Variants in MCM8 observed in about 807,000 individuals in gnomAD.
The protein encoded by MCM8 is minichromosome maintenance 8 homologous recombination repair factor, also known as DNA helicase MCM8.
A neutral mutation model predicts 98.9 loss-of-function variants in MCM8; 85 were observed. The observed-to-expected ratio is 0.86, with a 90% CI of 0.72 to 1.03. The LOEUF is 1.03. MCM8 is among the 50% of genes least tolerant of loss of function. The probability of loss-of-function intolerance (pLI) is 0.00; values close to 1 mark genes in which losing one functional copy is unlikely to be tolerated. For synonymous variants in MCM8, 352 were observed against 338.6 expected, an observed-to-expected ratio of 1.04 and a Z score of -0.44; for missense variants, 951 against 997.8, an observed-to-expected ratio of 0.95 and a Z score of 0.63.
chr20:5,952,038 G>A lies in MCM8; in HGVS notation c.23G>A (p.Arg8Lys). MNGEYRG[R>K]GFGRGRFQSW... ...GAGATGAATGGAGAGTATAGAGGCAGAGGATTTGGACGAGGAAGATTTCAA... is the reference window on the plus strand; with the variant it reads ...GAGATGAATGGAGAGTATAGAGGCAAAGGATTTGGACGAGGAAGATTTCAA... The change falls in exon 2 of 19, where the codon AGA becomes AAA. Residue 8 changes from arginine (R) to lysine (K), a missense_variant. Physicochemically the swap from Arg to Lys is conservative, Grantham distance 26. Coordinates refer to ENST00000610722, the MANE Select transcript of MCM8 (RefSeq NM_032485.6). The A allele has an allele frequency of 6.2e-7, 1 of 1,614,024 alleles. No homozygotes were observed. The highest frequency in any genetic ancestry group is 1.3e-5 in the African/African-American group (1 of 75,032).
At chr20:5,967,310 C>T in intron 8 of MCM8, 126 bp from the exon 9 acceptor site, 2 of 693,460 alleles carry the variant, frequency 2.9e-6, no homozygotes, top group African/African-American at 1.8e-5. Context: ...TTAGATATAC[C>T]ATTAAACTGT....
At chr20:5,976,475 T>C (rs2089514001) in intron 12 of MCM8, among the ~76,000 whole-genome samples, 1 of 152,078 alleles carries the variant, frequency 6.6e-6, no homozygotes, top group Non-Finnish European at 1.5e-5. Flanking sequence ...TACCATGGTC[T>C]AAATAGGGAG....
chr20:5,971,926 GT>G, intron 10 of MCM8, 80 bp from the exon 11 acceptor site: 1 of 1,239,868 alleles, frequency 8.1e-7, no homozygotes, highest in Non-Finnish European at 1.2e-6. Flanking sequence ...TATTAAGCAG[GT>G]TAAACAAATT....
intron 3 of MCM8, among the ~76,000 whole-genome samples, chr20:5,953,238 T>C (rs1315614180): frequency 6.6e-6 from 1 of 152,334 alleles, no homozygotes; most frequent in South Asian, 2.1e-4. Flanking sequence ...ATCTGAATTA[T>C]AGCATCGCAG....
intron 17 of MCM8, among the ~76,000 whole-genome samples, chr20:5,992,688 C>T (rs769115190): frequency 6.6e-6 from 1 of 152,028 alleles, no homozygotes; most frequent in Non-Finnish European, 1.5e-5. Flanking sequence ...TGTTTATAAC[C>T]CATTAAAATC....
rs2089059457 is a variant in MCM8, at chr20:5,958,853, T to C, written c.789+127T>C. ...ATTTTTTATTTTCAATTTTCTGCTT[T>C]TATATTATGAAATACTTCAGGGTAA... On this transcript the variant is annotated intron_variant, in intron 7 of 18. Coordinates refer to ENST00000610722, the MANE Select transcript of MCM8 (RefSeq NM_032485.6). 1.7e-5 allele frequency: 15 copies of C among 868,336 alleles called. No homozygotes were observed. In the Middle Eastern group the frequency reaches 1.1e-3, roughly 62 times the overall value. The allele number at this position is 868,336 out of a possible 1,614,324, so 53.8% of individuals were successfully genotyped here.
In MCM8 at chr20:5,993,640, A is replaced by C; in HGVS notation, c.2375A>C (p.Asn792Thr). The change falls in exon 18 of 19, where the codon AAT becomes ACT. Residue 792 changes from asparagine to threonine, a missense_variant. Coordinates refer to ENST00000610722, the MANE Select transcript of MCM8 (RefSeq NM_032485.6). ...ALNNVAERTYNNIFQFHQLRQ... is the reference protein window; with the variant it reads ...ALNNVAERTYTNIFQFHQLRQ... ...AACAACGTTGCTGAAAGAACTTATAATAATATATTTCAATTTCATCAACTT... is the reference window on the plus strand; with the variant it reads ...AACAACGTTGCTGAAAGAACTTATACTAATATATTTCAATTTCATCAACTT... 6 of 1,611,206 alleles carry C rather than the reference A, an allele frequency of 3.7e-6. No individual in the cohort carries two copies. Among genetic ancestry groups the C allele is most frequent in the Non-Finnish European group, 5.1e-6 (6 of 1,178,154 alleles).
intron 18 of MCM8, chr20:5,993,994 C>A: frequency 2.8e-6 from 1 of 351,372 alleles, no homozygotes. Context: ...AATAGCACTT[C>A]AAACATGGGC....
chr20:5,987,176 C>T (rs2089750971), intron 16 of MCM8, 106 bp from the exon 17 acceptor site: 1 of 1,112,280 alleles, frequency 9.0e-7, no homozygotes, highest in Non-Finnish European at 1.3e-6. Context: ...CCTTCCTCGC[C>T]TAAAGGTCAG....
intron 12 of MCM8, among the ~76,000 whole-genome samples, chr20:5,977,458 G>A (rs2089535459): frequency 6.6e-6 from 1 of 152,242 alleles, no homozygotes; most frequent in African/African-American, 2.4e-5. Flanking sequence ...TGTTTGCTCA[G>A]AAGGTGAGCA....
intron 12 of MCM8, among the ~76,000 whole-genome samples, chr20:5,976,838 A>G (rs1047658470): frequency 4.6e-5 from 7 of 152,154 alleles, no homozygotes; most frequent in Admixed American, 1.3e-4. Flanking sequence ...GGGTTAAAAC[A>G]AGGTAGGATA....
intron 11 of MCM8, 66 bp from the exon 12 acceptor site, chr20:5,972,989 TA>T: frequency 6.6e-7 from 1 of 1,505,996 alleles, no homozygotes; most frequent in Non-Finnish European, 9.1e-7. Context: ...GAAGGAGGAA[TA>T]CCCCCTTTAC....
In MCM8 at chr20:5,967,860, T is replaced by A. The variant is rs750983831; in HGVS notation, c.1058T>A (p.Phe353Tyr). ...GSRNKNDKCM[F>Y]LLYIEANSIS... ...CGAAATAAGAATGACAAGTGTATGT[T>A]CCTTTTGTATATTGAAGCAAATTCT... The change falls in exon 10 of 19, where the codon TTC becomes TAC. Residue 353 changes from phenylalanine (F) to tyrosine (Y), a missense_variant. Transcript: ENST00000610722. 3 of 1,611,972 alleles carry A rather than the reference T, an allele frequency of 1.9e-6. No homozygotes were observed. The highest frequency in any genetic ancestry group is 1.7e-5 in the Admixed American group (1 of 59,696).
intron 14 of MCM8, 93 bp from the exon 15 acceptor site, chr20:5,984,688 G>A (rs1244736912): frequency 1.7e-5 from 18 of 1,033,674 alleles, no homozygotes; most frequent in Admixed American, 9.7e-5. Context: ...CAAGTTCTGC[G>A]TGGAACTTGA....
chr20:5,994,498 C>CACAT lies in MCM8; in HGVS notation c.*110_*111insTACA. The CACAT allele has an allele frequency of 1.7e-6, 1 of 596,872 alleles. No individual in the cohort carries two copies. The highest frequency in any genetic ancestry group is 2.2e-5 in the South Asian group (1 of 46,102). The allele number at this position is 596,872 out of a possible 1,614,324, so 37.0% of individuals were successfully genotyped here. A position where few individuals can be genotyped will look rare whatever the true frequency, so the allele number is the denominator to read the frequency against. On this transcript the variant is annotated 3_prime_UTR_variant, in exon 19 of 19. Coordinates refer to ENST00000610722, the MANE Select transcript of MCM8 (RefSeq NM_032485.6). ...AGACAGACACACACACACACACACACACACACACACACACACACACACACA... is the reference window on the plus strand; with the variant it reads ...AGACAGACACACACACACACACACACACATACACACACACACACACACACACACA...
rs1166988600 is a variant in MCM8 at position 5,997,188 on chromosome 20, T to TC, written c.*2797_*2798insC. 12 of 153,792 alleles carry TC rather than the reference T, an allele frequency of 7.8e-5. No individual in the cohort carries two copies. The highest frequency in any genetic ancestry group is 2.7e-4 in the African/African-American group (11 of 40,882). 9.5% of individuals were successfully genotyped at this position (153,792 alleles called of 1,614,324 possible). A position where few individuals can be genotyped will look rare whatever the true frequency, so the allele number is the denominator to read the frequency against. On this transcript the variant is annotated 3_prime_UTR_variant, in exon 19 of 19. Transcript: ENST00000610722. ...AGTTTCTTTTTTTTTCTTTTTTCTT[T>TC]TTTTTTTTTTTTTGAGACAGAGTTT...
chr20:5,968,149 T>C, intron 10 of MCM8, 124 bp downstream of exon 10: 1 of 658,238 alleles, frequency 1.5e-6, no homozygotes, highest in East Asian at 2.7e-5. Flanking sequence ...AATACAGTAC[T>C]CCATCCCCTT....
At chr20:5,952,587 G>T (rs2088862818) in intron 3 of MCM8, 59 bp downstream of exon 3, 1 of 1,363,546 alleles carries the variant, frequency 7.3e-7, no homozygotes, top group African/African-American at 1.5e-5. Context: ...CTTGTCTTTG[G>T]ATGCTACATC....
At position 5,950,654 on chromosome 20, in the gene MCM8, T is replaced by G; in HGVS notation, c.-375T>G. On this transcript the variant is annotated 5_prime_UTR_variant, in exon 1 of 19. Transcript: ENST00000610722. The stretch of plus-strand genomic sequence containing the variant: ...CCGCCCCTCTCGTCTTGCCGCTTCT[T>G]TGAGCGGAAGTTGGATCACTGAAGC... The G allele has an allele frequency of 5.0e-6, 2 of 403,772 alleles. No homozygotes were observed. Among genetic ancestry groups the G allele is most frequent in the Non-Finnish European group, 8.9e-6 (2 of 225,522 alleles). The allele number at this position is 403,772 out of a possible 1,614,324, so 25.0% of individuals were successfully genotyped here.
Sources: allele counts gnomAD v4.1 joint callset (sites outside exome capture counted in the v4.1 genomes callset), GRCh38; gene constraint gnomAD v4.1.1; transcripts MANE v1.5; gene names NCBI Gene and HGNC (gene_info 2026-07-23, HGNC 2026-07-21).